CD38: variants seen among roughly 807,000 people sequenced by gnomAD.
CD38 encodes the protein CD38 molecule, also known as ADP-ribosyl cyclase/cyclic ADP-ribose hydrolase 1.
In CD38, 31 loss-of-function variants were observed where a neutral mutation model predicts 36.3. The ratio of observed to expected loss-of-function variants is 0.85; its 90% CI spans 0.64 to 1.15. CD38 has a LOEUF of 1.15. Among genes scored for constraint, CD38 ranks in the 50% most tolerant of loss-of-function variants. CD38 has a pLI of 0.00. For synonymous variants in CD38, 131 were observed against 135.2 expected (o/e 0.97, Z 0.22); for missense variants, 380 against 371.9 (o/e 1.02, Z -0.18).
At chr4:15,796,138 G>A (rs1389969846) in intron 1 of CD38, among the ~76,000 whole-genome samples, 3 of 152,014 alleles carry the variant, frequency 2.0e-5, no homozygotes, top group African/African-American at 7.2e-5. Context: ...GGCAAAGAAG[G>A]ACTGAAAACA....
chr4:15,837,857 A>G (rs370329994), intron 4 of CD38, among the ~76,000 whole-genome samples: 45 of 152,228 alleles, frequency 3.0e-4, no homozygotes, highest in Admixed American at 2.9e-3. Flanking sequence ...TCTATGAACT[A>G]TAACACTGAA....
rs1239761290 is a variant in CD38 at position 15,850,299 on chromosome 4, A to G, written c.*1697A>G. 1 of 152,184 alleles carries G rather than the reference A, an allele frequency of 6.6e-6. No individual in the cohort carries two copies. The highest frequency in any genetic ancestry group is 2.4e-5 in the African/African-American group (1 of 41,448). 9.4% of individuals were successfully genotyped at this position (152,184 alleles called of 1,614,324 possible). On this transcript the variant is annotated 3_prime_UTR_variant, in exon 8 of 8. Transcript: ENST00000226279. Reference sequence around the variant, plus strand: ...GAGTGACAGATTGAGACCCTGTCTCAATAAAAGCAAAAATAAAGAAAATAA... The same window carrying G: ...GAGTGACAGATTGAGACCCTGTCTCGATAAAAGCAAAAATAAAGAAAATAA...
chr4:15,790,118 TC>T (rs1722927262), intron 1 of CD38, among the ~76,000 whole-genome samples: 1 of 41,278 alleles, frequency 2.4e-5, no homozygotes, highest in Non-Finnish European at 4.6e-5. Flanking sequence ...TCCCTCTCCC[TC>T]TCCCTCTCCC....
chr4:15,836,232 A>G (rs544788251), intron 4 of CD38, among the ~76,000 whole-genome samples: 3 of 152,240 alleles, frequency 2.0e-5, no homozygotes, highest in Non-Finnish European at 2.9e-5. Context: ...AGCAGATTCA[A>G]TGTCTGGTGA....
intron 2 of CD38, 187 bp downstream of exon 2, chr4:15,816,827 T>G: frequency 1.6e-6 from 1 of 628,876 alleles, no homozygotes. Context: ...TTAGGACATC[T>G]GGAGAAGGGA....
intron 1 of CD38, among the ~76,000 whole-genome samples, chr4:15,784,851 A>T (rs1722776246): frequency 6.6e-6 from 1 of 152,004 alleles, no homozygotes; most frequent in African/African-American, 2.4e-5. Flanking sequence ...AGGTCAGGGG[A>T]TTGAGACCAT....
At chr4:15,809,555 C>T (rs1723420356) in intron 1 of CD38, among the ~76,000 whole-genome samples, 1 of 152,172 alleles carries the variant, frequency 6.6e-6, no homozygotes, top group Non-Finnish European at 1.5e-5. Flanking sequence ...GCAGGCACTG[C>T]AGCTTTTCCA....
At chr4:15,848,477 C>G in intron 7 of CD38, 62 bp from the exon 8 acceptor site, 3 of 1,283,832 alleles carry the variant, frequency 2.3e-6, no homozygotes, top group Non-Finnish European at 3.4e-6. Context: ...CCTCCATTAG[C>G]GAATTGGACG....
rs1011036215 is a variant in CD38 at position 15,841,556 on chromosome 4, G to A, written c.839+1018G>A. 6.7e-5 allele frequency among the ~76,000 whole-genome samples: 10 copies of A among 148,162 alleles called. 1 individual carries two copies. Among genetic ancestry groups the A allele is most frequent in the Admixed American group, 2.7e-4 (4 of 15,092 alleles). Reference sequence around the variant, plus strand: ...GTAAAAGCAATCTTGCGGCGGAGGAGCCAAGATGGCCGAATAGGAACAGCT... The same window carrying A: ...GTAAAAGCAATCTTGCGGCGGAGGAACCAAGATGGCCGAATAGGAACAGCT... On this transcript the variant is annotated intron_variant, in intron 7 of 7. Transcript: ENST00000226279.
At chr4:15,807,766 C>T (rs1367515576) in intron 1 of CD38, among the ~76,000 whole-genome samples, 2 of 152,144 alleles carry the variant, frequency 1.3e-5, no homozygotes, top group Non-Finnish European at 2.9e-5. Context: ...AAAATATTTG[C>T]TAAAACAAAG....
At chr4:15,784,986 G>A (rs1013816099) in intron 1 of CD38, among the ~76,000 whole-genome samples, 4 of 152,044 alleles carry the variant, frequency 2.6e-5, no homozygotes, top group Admixed American at 2.6e-4. Context: ...AACCTGGGAG[G>A]CGGAGGTTGC....
At chr4:15,816,488 T>A (rs777661420) in intron 1 of CD38, 23 bp from the exon 2 acceptor site, 17 of 1,557,380 alleles carry the variant, frequency 1.1e-5, no homozygotes, top group Non-Finnish European at 1.4e-5. Flanking sequence ...AATTTATGTT[T>A]TATTTTCTGT....
At position 15,824,896 on chromosome 4, in the gene CD38, A is replaced by T. The variant is rs1309553436; in HGVS notation, c.379A>T (p.Arg127Ter). Residue 127 changes from arginine to a stop codon, truncating the protein, a stop_gained, in exon 3 of 8, where the codon AGA (arginine) becomes TGA (stop). Transcript: ENST00000226279. LOFTEE classifies it high-confidence loss of function. ...VPCNKILLWS[R>*]IKDLAHQFTQ... ...TCTTCCTTAGATTCTTCTTTGGAGC[A>T]GAATAAAAGATCTGGCCCATCAGTT... 9.3e-6 allele frequency: 15 copies of T among 1,613,518 alleles called. No homozygotes were observed. The highest frequency in any genetic ancestry group is 1.3e-5 in the Non-Finnish European group (15 of 1,179,600).
At chr4:15,826,459 GCACA>G (rs67475051) in intron 3 of CD38, among the ~76,000 whole-genome samples, 26,013 of 146,348 alleles carry the variant, frequency 0.18, 2,349 homozygotes, top group Admixed American at 0.25. Flanking sequence ...ACTTTTGTGC[GCACA>G]CACACACACA....
intron 5 of CD38, 57 bp downstream of exon 5, chr4:15,838,222 A>G: frequency 8.2e-7 from 1 of 1,225,040 alleles, no homozygotes; most frequent in Non-Finnish European, 1.2e-6. Context: ...ATCACAGTGA[A>G]TATTTCATCT....
rs755294758 is a variant in CD38 at position 15,834,290 on chromosome 4, GGTTTCCCGCAGGGT to G, written c.574_585+2del. 36 of 1,609,978 alleles carry G rather than the reference GGTTTCCCGCAGGGT, an allele frequency of 2.2e-5. No individual in the cohort carries two copies. Among genetic ancestry groups the G allele is most frequent in the Non-Finnish European group, 3.1e-5 (36 of 1,176,324 alleles). ...ACCCTGTTTCAGTATTCTGGAAAACGGTTTCCCGCAGGGTAAGTACCAAGTAGTGAAATTCTAGA... is the reference window on the plus strand; with the variant it reads ...ACCCTGTTTCAGTATTCTGGAAAACGAAGTACCAAGTAGTGAAATTCTAGA... On this transcript the variant is annotated splice_donor_variant and coding_sequence_variant, in exon 4 of 8. Transcript: ENST00000226279. LOFTEE classifies it high-confidence loss of function.
At chr4:15,788,373 A>G (rs1382006050) in intron 1 of CD38, among the ~76,000 whole-genome samples, 1 of 152,218 alleles carries the variant, frequency 6.6e-6, no homozygotes, top group Non-Finnish European at 1.5e-5. Context: ...CAGCCGAAAC[A>G]GGGAAACCTG....
chr4:15,805,477 A>G (rs72616176), intron 1 of CD38, among the ~76,000 whole-genome samples: 20,644 of 151,810 alleles, frequency 0.14, 2,578 homozygotes, highest in African/African-American at 0.33. Context: ...TCTATTTTAC[A>G]TTTTTTTCTC....
intron 1 of CD38, among the ~76,000 whole-genome samples, chr4:15,808,886 G>A (rs777693342): frequency 4.6e-5 from 7 of 152,144 alleles, no homozygotes; most frequent in Non-Finnish European, 8.8e-5. Context: ...TAGGGGGCTC[G>A]CCCTCTGTTC....
Sources: allele counts gnomAD v4.1 joint callset (sites outside exome capture counted in the v4.1 genomes callset), GRCh38; gene constraint gnomAD v4.1.1; transcripts MANE v1.5; gene names NCBI Gene and HGNC (gene_info 2026-07-23, HGNC 2026-07-21).